The following ROCK1 variants were observed in gnomAD, a reference collection of about 807,000 sequenced individuals.
ROCK1 encodes the protein rho-associated protein kinase 1.
ROCK1 carries 36 observed loss-of-function variants against 196.8 expected under a neutral mutation model. The ratio of observed to expected loss-of-function variants is 0.18; its 90% confidence interval spans 0.14 to 0.24. ROCK1 has a LOEUF of 0.24. Among genes scored for constraint, ROCK1 ranks in the 10% least tolerant of loss-of-function variants. ROCK1 has a pLI of 1.00. For missense variants in ROCK1, 920 were observed against 1,562.0 expected, an observed-to-expected ratio of 0.59 and a Z score of 6.93; for synonymous variants, 443 against 515.9, an observed-to-expected ratio of 0.86 and a Z score of 1.91.
At position 20,967,910 on chromosome 18, in the gene ROCK1, G is replaced by T. The variant is rs765767560; in HGVS notation, c.3034C>A (p.Arg1012=). 8.9e-6 allele frequency: 14 copies of T among 1,564,906 alleles called. No individual in the cohort carries two copies. The highest frequency in any genetic ancestry group is 1.4e-5 in the African/African-American group (1 of 72,948). Reference sequence around the variant, plus strand: ...TTTCTATCAATTTTAAAATCTTTTCGATTCATTATTTCTGCCAATTTGTTA... The same window carrying T: ...TTTCTATCAATTTTAAAATCTTTTCTATTCATTATTTCTGCCAATTTGTTA... ...AVNKLAEIMN[R]KDFKIDRKKA... Residue 1012 remains arginine (R), a synonymous_variant, in exon 26 of 33, where the codon CGA becomes AGA. Coordinates refer to ENST00000399799, the MANE Select transcript of ROCK1 (RefSeq NM_005406.3).
At chr18:21,084,444 C>T (rs2036508875) in intron 1 of ROCK1, among the ~76,000 whole-genome samples, 1 of 150,066 alleles carries the variant, frequency 6.7e-6, no homozygotes, top group South Asian at 2.3e-4. Flanking sequence ...TTAAAATGGG[C>T]AAAAACTTGA....
intron 2 of ROCK1, among the ~76,000 whole-genome samples, chr18:21,066,715 C>A (rs2143545303): frequency 6.6e-6 from 1 of 152,294 alleles, no homozygotes; most frequent in African/African-American, 2.4e-5. Context: ...TGGCTTTTTT[C>A]ACTTAACAGA....
Position 21,049,151 on chromosome 18 carries a change from C to G in ROCK1, c.355G>C (p.Ala119Pro). ...KFEMIKRSDS[A>P]FFWEERDIMA... ...ATGTCCCTTTCTTCCCAGAAAAAAG[C>G]AGAATCAGATCTCTTTATCATTTCA... The change falls in exon 4 of 33, where the codon GCT becomes CCT. Residue 119 changes from alanine to proline, a missense_variant. Coordinates refer to ENST00000399799, the MANE Select transcript of ROCK1 (RefSeq NM_005406.3). 1 of 1,612,022 alleles carries G rather than the reference C, an allele frequency of 6.2e-7. No homozygotes were observed. Among genetic ancestry groups the G allele is most frequent in the Non-Finnish European group, 8.5e-7 (1 of 1,178,746 alleles).
rs1223887920 is a variant in ROCK1, at chr18:21,086,595, A to G, written c.94-15982T>C. 2.0e-5 allele frequency among the ~76,000 whole-genome samples: 3 copies of G among 152,168 alleles called. No individual in the cohort carries two copies. In the East Asian group the frequency reaches 5.8e-4, roughly 29 times the overall value. On this transcript the variant is annotated intron_variant, in intron 1 of 32. Transcript: ENST00000399799. Reference sequence around the variant, plus strand: ...CCCAGAAGACAAACAAGAAAAATAGAATGGGGCTAAAAGGGACTAAAACAA... The same window carrying G: ...CCCAGAAGACAAACAAGAAAAATAGGATGGGGCTAAAAGGGACTAAAACAA...
intron 1 of ROCK1, among the ~76,000 whole-genome samples, chr18:21,095,848 T>C (rs79288875): frequency 0.01 from 1,568 of 152,214 alleles, 30 homozygotes; most frequent in African/African-American, 0.036. Flanking sequence ...TGGAGAATAA[T>C]TGGATTGTAA....
At chr18:20,989,549 T>C (rs1237453081) in intron 18 of ROCK1, among the ~76,000 whole-genome samples, 1 of 152,208 alleles carries the variant, frequency 6.6e-6, no homozygotes, top group Non-Finnish European at 1.5e-5. Context: ...AGTTTGACTA[T>C]TTTATTAATT....
chr18:20,952,740 T>G (rs2035202276), intron 32 of ROCK1, among the ~76,000 whole-genome samples: 1 of 151,412 alleles, frequency 6.6e-6, no homozygotes. Flanking sequence ...GCGCCACCAC[T>G]GCACTCCAGC....
intron 1 of ROCK1, among the ~76,000 whole-genome samples, chr18:21,098,289 T>C (rs1451387516): frequency 5.3e-5 from 8 of 152,140 alleles, no homozygotes; most frequent in African/African-American, 1.9e-4. Flanking sequence ...CACATGGAAA[T>C]TTAATATATG....
intron 1 of ROCK1, among the ~76,000 whole-genome samples, chr18:21,087,782 CAAG>C (rs2036539607): frequency 6.6e-6 from 1 of 152,190 alleles, no homozygotes; most frequent in Non-Finnish European, 1.5e-5. Context: ...ACAAAATCAT[CAAG>C]AACTCAACAC....
At chr18:21,061,907 C>A (rs918457396) in intron 2 of ROCK1, among the ~76,000 whole-genome samples, 1 of 152,086 alleles carries the variant, frequency 6.6e-6, no homozygotes, top group African/African-American at 2.4e-5. Flanking sequence ...GGTTTCTCAT[C>A]ATCAGAGAAA....
chr18:21,003,446 A>G (rs2035743531), intron 16 of ROCK1, among the ~76,000 whole-genome samples: 1 of 152,186 alleles, frequency 6.6e-6, no homozygotes, highest in South Asian at 2.1e-4. Flanking sequence ...ATATTTTATA[A>G]TATTATATAA....
intron 3 of ROCK1, among the ~76,000 whole-genome samples, chr18:21,049,576 T>C (rs2036188296): frequency 6.6e-6 from 1 of 152,230 alleles, no homozygotes; most frequent in African/African-American, 2.4e-5. Context: ...TGACACTTCT[T>C]TTCTGCCACA....
intron 23 of ROCK1, chr18:20,969,437 A>AG (rs1322491564): frequency 9.0e-6 from 3 of 332,254 alleles, no homozygotes; most frequent in Non-Finnish European, 1.1e-5. Flanking sequence ...TATGAACAAA[A>AG]GGGGGGCATA....
chr18:20,966,050 TTCC>T (rs1293170038), intron 27 of ROCK1, among the ~76,000 whole-genome samples: 1 of 152,246 alleles, frequency 6.6e-6, no homozygotes, highest in Non-Finnish European at 1.5e-5. Flanking sequence ...CATAAATATC[TTCC>T]TATTTATGTA....
At chr18:21,036,680 G>C (rs1178238671) in intron 9 of ROCK1, among the ~76,000 whole-genome samples, 1 of 151,946 alleles carries the variant, frequency 6.6e-6, no homozygotes, top group East Asian at 1.9e-4. Context: ...GGCCTCAAGA[G>C]GTCCTCCCAC....
At chr18:20,985,203 T>C (rs1312206505) in intron 19 of ROCK1, among the ~76,000 whole-genome samples, 1 of 152,156 alleles carries the variant, frequency 6.6e-6, no homozygotes, top group Non-Finnish European at 1.5e-5. Context: ...CCAAACAAAC[T>C]GAACGTATGT....
Position 21,111,013 on chromosome 18 carries a change from C to A in ROCK1, c.-103G>T. 1 of 937,684 alleles carries A rather than the reference C, an allele frequency of 1.1e-6. No individual in the cohort carries two copies. The highest frequency in any genetic ancestry group is 1.7e-6 in the Non-Finnish European group (1 of 592,174). The allele number at this position is 937,684 out of a possible 1,614,324, so 58.1% of individuals were successfully genotyped here. On this transcript the variant is annotated 5_prime_UTR_variant, in exon 1 of 33. Coordinates refer to ENST00000399799, the MANE Select transcript of ROCK1 (RefSeq NM_005406.3). This position sits in a 1 kb window ranked among gnomAD's most constrained non-coding sequence, Gnocchi z 4.2. ...GTTCGCAGCCGCGGGGCGGAGGAGC[C>A]GGAACCTCAGGGTCACCAGGTGCGC...
intron 3 of ROCK1, 88 bp from the exon 4 acceptor site, chr18:21,049,317 T>A: frequency 9.9e-7 from 1 of 1,010,608 alleles, no homozygotes; most frequent in Non-Finnish European, 1.4e-6. Flanking sequence ...GTGCTTTTAA[T>A]ACTTGCTAAA....
rs752562302 is a variant in ROCK1, at chr18:20,969,100, A to T, written c.2914+15T>A. ...ATTTGATTTAACATGATGATTTTTT[A>T]AAAATTCTACATACCTTCCTCTGCC... On this transcript the variant is annotated intron_variant, in intron 24 of 32. Coordinates refer to ENST00000399799, the MANE Select transcript of ROCK1 (RefSeq NM_005406.3). 30 of 1,507,836 alleles carry T rather than the reference A, an allele frequency of 2.0e-5. No homozygotes were observed. Among genetic ancestry groups the T allele is most frequent in the East Asian group, 2.3e-5 (1 of 44,304 alleles). The allele number at this position is 1,507,836 out of a possible 1,614,324, so 93.4% of individuals were successfully genotyped here.
Sources: allele counts gnomAD v4.1 joint callset (sites outside exome capture counted in the v4.1 genomes callset), GRCh38; gene constraint gnomAD v4.1.1; non-coding constraint Gnocchi (gnomAD v3.1); transcripts MANE v1.5; gene names NCBI Gene and HGNC (gene_info 2026-07-23, HGNC 2026-07-21).